The following ANXA4 variants were observed in gnomAD, a reference collection of about 807,000 sequenced individuals.
ANXA4 encodes 35-beta calcimedin.
A neutral mutation model predicts 49.8 loss-of-function variants in ANXA4; 39 were observed. The observed-to-expected ratio is 0.78, with a 90% CI of 0.61 to 1.02. The LOEUF is 1.02. ANXA4 is among the 50% of genes least tolerant of loss of function. The pLI, the probability that ANXA4 is intolerant of heterozygous loss-of-function variation, is 0.00. For synonymous variants in ANXA4, 134 were observed against 152.5 expected, an observed-to-expected ratio of 0.88 and a Z score of 0.89; for missense variants, 360 against 410.1, an observed-to-expected ratio of 0.88 and a Z score of 1.05.
chr2:69,722,494 A>G (rs1206461133), intron 3 of ANXA4, among the ~76,000 whole-genome samples: 1 of 152,188 alleles, frequency 6.6e-6, no homozygotes, highest in African/African-American at 2.4e-5. Context: ...AAAACATTAC[A>G]TTAAGTGAAA....
chr2:69,821,096 C>T (rs898557660), intron 12 of ANXA4, among the ~76,000 whole-genome samples: 38 of 152,174 alleles, frequency 2.5e-4, no homozygotes, highest in Non-Finnish European at 4.4e-4. Context: ...ACAATTTCCT[C>T]GTCTACCTAA....
intron 1 of ANXA4, among the ~76,000 whole-genome samples, chr2:69,767,093 C>T (rs369631972): frequency 6.6e-5 from 10 of 152,150 alleles, no homozygotes; most frequent in Non-Finnish European, 1.0e-4. Context: ...CCTGGAGGGG[C>T]GCTGCCTCCA....
intron 1 of ANXA4, among the ~76,000 whole-genome samples, chr2:69,745,613 C>A (rs1670579257): frequency 6.6e-6 from 1 of 151,948 alleles, no homozygotes; most frequent in Admixed American, 6.6e-5. Context: ...TCACTGCAAC[C>A]TTTGCCTCCC....
chr2:69,675,653 A>C, intron 2 of ANXA4, among the ~76,000 whole-genome samples: 1 of 152,088 alleles, frequency 6.6e-6, no homozygotes, highest in East Asian at 1.9e-4. Flanking sequence ...GGCTGCGGGG[A>C]GGGAGGAATG....
intron 1 of ANXA4, among the ~76,000 whole-genome samples, chr2:69,648,498 G>A (rs1003781401): frequency 2.0e-5 from 3 of 152,118 alleles, no homozygotes; most frequent in Non-Finnish European, 2.9e-5. Flanking sequence ...TAGCAGAAGC[G>A]AACTTGTAAG....
rs551452069 is a variant in ANXA4 at position 69,748,894 on chromosome 2, G to T, written c.-47+6719G>T. Reference sequence around the variant, plus strand: ...CCTGGCTAATTTTCTGTATTTTTTTGTAGAGACGAAGTTTTGCCATGTTGC... The same window carrying T: ...CCTGGCTAATTTTCTGTATTTTTTTTTAGAGACGAAGTTTTGCCATGTTGC... On this transcript the variant is annotated intron_variant, in intron 1 of 12. Coordinates refer to ENST00000394295, the MANE Select transcript of ANXA4 (RefSeq NM_001153.5). Among the ~76,000 whole-genome samples the T allele has an allele frequency of 2.9e-3, 432 of 150,026 alleles. 9 individuals carry two copies. The East Asian group carries it at 0.064, about 22-fold the overall frequency.
intron 2 of ANXA4, among the ~76,000 whole-genome samples, chr2:69,709,750 A>T (rs1385473419): frequency 6.6e-6 from 1 of 152,166 alleles, no homozygotes; most frequent in African/African-American, 2.4e-5. Context: ...TATGCAATTA[A>T]CCAACTCACT....
rs187683435 is a variant in ANXA4, at chr2:69,729,590, G to A, written n.864+8719G>A. On this transcript the variant is annotated intron_variant and non_coding_transcript_variant, in intron 3 of 3. Coordinates refer to the ANXA4 transcript ENST00000418066. ...AACATCCTCCAATGCCAGGACAGCC[G>A]CCCCACAACAAAGAAACATCCAGCC... is the stretch of plus-strand genomic sequence containing the variant. Among the ~76,000 whole-genome samples, 463 of 152,230 alleles carry A rather than the reference G, an allele frequency of 3.0e-3. 5 individuals carry two copies. Among genetic ancestry groups the A allele is most frequent in the Admixed American group, 8.7e-3 (133 of 15,286 alleles).
At chr2:69,732,416 C>T (rs1481028397) in intron 3 of ANXA4, among the ~76,000 whole-genome samples, 1 of 152,026 alleles carries the variant, frequency 6.6e-6, no homozygotes, top group Non-Finnish European at 1.5e-5. Context: ...GTGATATAAA[C>T]TGGGCAATAC....
chr2:69,790,550 G>A (rs1672646824), intron 3 of ANXA4, among the ~76,000 whole-genome samples: 1 of 152,170 alleles, frequency 6.6e-6, no homozygotes, highest in South Asian at 2.1e-4. Context: ...TGACAACAGA[G>A]TTTGTTTGAT....
upstream of ANXA4, among the ~76,000 whole-genome samples, chr2:69,739,752 T>A (rs182501363): frequency 3.2e-3 from 486 of 151,962 alleles, 5 homozygotes; most frequent in African/African-American, 0.011. Context: ...CTCCTTGGAG[T>A]GGAATTTCAA....
At chr2:69,656,202 T>C (rs1208163087) in intron 2 of ANXA4, among the ~76,000 whole-genome samples, 1 of 137,568 alleles carries the variant, frequency 7.3e-6, no homozygotes, top group African/African-American at 2.8e-5. Context: ...TATATATATA[T>C]ATACACACAC....
chr2:69,683,359 G>A (rs745907779), intron 2 of ANXA4, among the ~76,000 whole-genome samples: 27 of 152,180 alleles, frequency 1.8e-4, no homozygotes, highest in Non-Finnish European at 3.1e-4. Context: ...GGAGCTTCCC[G>A]TTTTTGTTCT....
At chr2:69,819,238 TATCTGTAATCTTTTC>T in intron 10 of ANXA4, 27 bp from the exon 11 acceptor site, 1 of 1,426,596 alleles carries the variant, frequency 7.0e-7, no homozygotes, top group Admixed American at 1.9e-5. Context: ...TCATGGGTCT[TATCTGTAATCTTTTC>T]ATTTCTTCTT....
chr2:69,807,980 C>G lies in ANXA4; in HGVS notation c.381C>G (p.Ser127Arg), dbSNP rs1348523680. 1.9e-6 allele frequency: 3 copies of G among 1,614,100 alleles called. No homozygotes were observed. Among genetic ancestry groups the G allele is most frequent in the Non-Finnish European group, 2.5e-6 (3 of 1,179,980 alleles). ...SRTPEEIRRI[S>R]QTYQQQYGRS... ...CCCCTGAGGAGATCCGGCGCATAAGCCAAACCTACCAGCAGCGTACGTGAC... is the reference window on the plus strand; with the variant it reads ...CCCCTGAGGAGATCCGGCGCATAAGGCAAACCTACCAGCAGCGTACGTGAC... The change falls in exon 6 of 13, where the codon AGC becomes AGG. Residue 127 changes from serine (S) to arginine (R), a missense_variant. Physicochemically the swap from Ser to Arg is moderately radical, Grantham distance 110 (BLOSUM62 -1). Transcript: ENST00000394295.
intron 1 of ANXA4, among the ~76,000 whole-genome samples, chr2:69,774,332 C>A (rs1358259412): frequency 7.8e-6 from 1 of 128,088 alleles, no homozygotes; most frequent in South Asian, 2.8e-4. Context: ...AAGGAGCCCC[C>A]CCCCCCCCTT....
intron 2 of ANXA4, among the ~76,000 whole-genome samples, chr2:69,664,705 C>T (rs916740339): frequency 1.3e-5 from 2 of 152,200 alleles, no homozygotes; most frequent in African/African-American, 4.8e-5. Context: ...TGTGCTCTTC[C>T]AAAAACCCTA....
intron 1 of ANXA4, among the ~76,000 whole-genome samples, chr2:69,770,109 T>C (rs537729444): frequency 3.3e-5 from 5 of 152,354 alleles, no homozygotes; most frequent in South Asian, 2.1e-4. Flanking sequence ...TTATTTAAGA[T>C]GGCCTAGTAG....
intron 2 of ANXA4, among the ~76,000 whole-genome samples, chr2:69,696,518 C>T (rs1359528188): frequency 6.6e-6 from 1 of 152,160 alleles, no homozygotes; most frequent in Non-Finnish European, 1.5e-5. Flanking sequence ...TGATAGTTTG[C>T]CCTTCTCTCA....
Sources: allele counts gnomAD v4.1 joint callset (sites outside exome capture counted in the v4.1 genomes callset), GRCh38; gene constraint gnomAD v4.1.1; transcripts MANE v1.5; gene names NCBI Gene and HGNC (gene_info 2026-07-23, HGNC 2026-07-21).